Variants in BCL7A observed in about 807,000 individuals in gnomAD.
BCL7A encodes B-cell CLL/lymphoma 7 protein family member A.
In BCL7A, 11 loss-of-function variants were observed where a neutral mutation model predicts 28.4. The ratio of observed to expected loss-of-function variants is 0.39; its 90% CI spans 0.24 to 0.64. The LOEUF (loss-of-function observed/expected upper bound fraction) is 0.64. Among genes scored for constraint, BCL7A ranks in the 30% least tolerant of loss-of-function variants. The pLI, the probability that BCL7A is intolerant of heterozygous loss-of-function variation, is 0.50. For synonymous variants in BCL7A, 123 were observed against 103.3 expected, an observed-to-expected ratio of 1.19 and a Z score of -1.15; for missense variants, 222 against 274.8, an observed-to-expected ratio of 0.81 and a Z score of 1.36.
intron 3 of BCL7A, among the ~76,000 whole-genome samples, chr12:122,042,171 A>G (rs1883976471): frequency 1.3e-5 from 2 of 152,138 alleles, no homozygotes; most frequent in South Asian, 4.1e-4. Context: ...TGTAAATGCC[A>G]TTGCCCAATT....
chr12:122,023,246 A>C (rs564987125), intron 1 of BCL7A, among the ~76,000 whole-genome samples: 1 of 151,848 alleles, frequency 6.6e-6, no homozygotes, highest in African/African-American at 2.4e-5. Flanking sequence ...CAACTTTATT[A>C]TTTTTTTCCC....
intron 1 of BCL7A, among the ~76,000 whole-genome samples, chr12:122,023,949 G>T (rs1171424284): frequency 6.6e-6 from 1 of 152,176 alleles, no homozygotes; most frequent in Non-Finnish European, 1.5e-5. Flanking sequence ...TCGAGGAGGC[G>T]TGGTGGGGCC....
Position 122,029,818 on chromosome 12 carries a change from G to A in BCL7A, c.93-882G>A, listed in dbSNP as rs888758748. 3.3e-4 allele frequency among the ~76,000 whole-genome samples: 51 copies of A among 152,280 alleles called. No individual in the cohort carries two copies. Among genetic ancestry groups the A allele is most frequent in the Admixed American group, 1.4e-3 (21 of 15,290 alleles). ...GTAAGGGACAAGTCGGAGTGCAGGG[G>A]GTCAAGGACAGGAGGTGGCTGGCTG... is the stretch of plus-strand genomic sequence containing the variant. On this transcript the variant is annotated intron_variant, in intron 1 of 5. Transcript: ENST00000261822. The surrounding 1 kb of genome is among the most constrained non-coding windows in gnomAD (Gnocchi z 4.3).
chr12:122,035,396 C>G lies in BCL7A; in HGVS notation c.240C>G (p.Asn80Lys), dbSNP rs372456786. ...KCGSEVTTPE[N>K]SSSPGMMDMH... The stretch of plus-strand genomic sequence containing the variant: ...GCTCAGAGGTGACCACTCCGGAGAA[C>G]AGTTCCTCCCCAGGGATGATGGACA... Residue 80 changes from asparagine to lysine, a missense_variant, in exon 3 of 6, where the codon AAC becomes AAG. By Grantham distance (94) the Asn-to-Lys change is moderately conservative. Coordinates refer to ENST00000261822, the MANE Select transcript of BCL7A (RefSeq NM_001024808.3). The G allele has an allele frequency of 3.7e-6, 6 of 1,614,062 alleles. No homozygotes were observed. Among genetic ancestry groups the G allele is most frequent in the African/African-American group, 2.7e-5 (2 of 74,930 alleles).
At chr12:122,035,620 C>G (rs1883835226) in intron 3 of BCL7A, among the ~76,000 whole-genome samples, 193 bp downstream of exon 3, 1 of 152,196 alleles carries the variant, frequency 6.6e-6, no homozygotes, top group Admixed American at 6.5e-5. Context: ...CCCAGCGTAC[C>G]AAGCCAAGAG....
Position 122,047,003 on chromosome 12 carries a change from A to C in BCL7A, c.439+2950A>C, listed in dbSNP as rs182551523. Among the ~76,000 whole-genome samples, 478 of 151,170 alleles carry C rather than the reference A, an allele frequency of 3.2e-3. 12 individuals carry two copies. The highest frequency in any genetic ancestry group is 4.1e-3 in the East Asian group (21 of 5,076). On this transcript the variant is annotated intron_variant, in intron 4 of 5. Transcript: ENST00000261822. ...ACTGCAACCTCCGCCTCCCAGGTTC[A>C]AGTGATTCTCTTGCCTCAGACTCGT...
At chr12:122,036,066 C>T (rs1351867625) in intron 3 of BCL7A, among the ~76,000 whole-genome samples, 1 of 152,098 alleles carries the variant, frequency 6.6e-6, no homozygotes, top group Non-Finnish European at 1.5e-5. Context: ...GTCTCAAACT[C>T]CTCGCCTCAA....
chr12:122,039,011 CAA>C (rs200664087), intron 3 of BCL7A, among the ~76,000 whole-genome samples: 1 of 151,324 alleles, frequency 6.6e-6, no homozygotes, highest in Admixed American at 6.6e-5. Flanking sequence ...CTCATCTCTA[CAA>C]AAAAAACAAT....
rs1476818733 is a variant in BCL7A at position 122,044,073 on chromosome 12, G to A, written c.439+20G>A. ...CTGAAGGTATGTGGCCTCTGGAGGT[G>A]GGGCTCTGACGGCCTCCCTGTAACC... is the stretch of plus-strand genomic sequence containing the variant. On this transcript the variant is annotated intron_variant, in intron 4 of 5. Transcript: ENST00000261822. 2.5e-6 allele frequency: 4 copies of A among 1,602,386 alleles called. No individual in the cohort carries two copies. Among genetic ancestry groups the A allele is most frequent in the African/African-American group, 2.7e-5 (2 of 74,614 alleles).
intron 1 of BCL7A, among the ~76,000 whole-genome samples, chr12:122,025,462 A>G (rs1306109425): frequency 6.6e-6 from 1 of 150,912 alleles, no homozygotes; most frequent in Admixed American, 6.6e-5. Flanking sequence ...GTCTCTACTA[A>G]AAAAATACAA....
At chr12:122,055,689 G>T (rs532549793) in intron 5 of BCL7A, among the ~76,000 whole-genome samples, 2 of 152,234 alleles carry the variant, frequency 1.3e-5, no homozygotes, top group Non-Finnish European at 2.9e-5. Flanking sequence ...CATGATCCCG[G>T]CTCACTCCAA....
At chr12:122,023,692 T>C (rs1883533746) in intron 1 of BCL7A, among the ~76,000 whole-genome samples, 1 of 152,258 alleles carries the variant, frequency 6.6e-6, no homozygotes, top group African/African-American at 2.4e-5. Flanking sequence ...GGAGCTCCCC[T>C]GGTACACAGG....
intron 3 of BCL7A, among the ~76,000 whole-genome samples, chr12:122,039,334 T>A (rs1883921483): frequency 6.8e-6 from 1 of 147,004 alleles, no homozygotes; most frequent in African/African-American, 2.5e-5. Flanking sequence ...ATAATAATAA[T>A]AAATTTAAAT....
chr12:122,058,849 G>C (rs1452809686), intron 5 of BCL7A, among the ~76,000 whole-genome samples: 4 of 152,200 alleles, frequency 2.6e-5, no homozygotes, highest in Admixed American at 2.6e-4. Context: ...GCATGTGATA[G>C]GGTCAGGCAG....
intron 2 of BCL7A, among the ~76,000 whole-genome samples, chr12:122,031,354 GC>G (rs386377999): frequency 6.6e-6 from 1 of 151,266 alleles, no homozygotes; most frequent in African/African-American, 2.4e-5. Context: ...TGGGCCGAGC[GC>G]CCCCCCCAGG....
In BCL7A at chr12:122,049,071, A is replaced by ACAC. The variant is rs1565941571; in HGVS notation, c.439+5018_439+5019insCAC. Among the ~76,000 whole-genome samples the ACAC allele has an allele frequency of 5.6e-5, 8 of 143,102 alleles. No individual in the cohort carries two copies. In the East Asian group the frequency reaches 1.6e-3, roughly 28 times the overall value. The allele number at this position is 143,102 out of a possible 152,430, so 93.9% of individuals were successfully genotyped here. On this transcript the variant is annotated intron_variant, in intron 4 of 5. Coordinates refer to ENST00000261822, the MANE Select transcript of BCL7A (RefSeq NM_001024808.3). ...ATATATATACATATACACACACACA[A>ACAC]AAAAAAATACATAAAACTATAGGCA...
At chr12:122,056,287 G>A (rs1951877933) in intron 5 of BCL7A, among the ~76,000 whole-genome samples, 1 of 152,110 alleles carries the variant, frequency 6.6e-6, no homozygotes, top group South Asian at 2.1e-4. Flanking sequence ...TACCCTGAGA[G>A]TATCCAATGC....
In BCL7A at chr12:122,044,027, A is replaced by T; in HGVS notation, c.413A>T (p.Asp138Val). The T allele has an allele frequency of 6.2e-7, 1 of 1,613,470 alleles. No homozygotes were observed. Among genetic ancestry groups the T allele is most frequent in the Non-Finnish European group, 8.5e-7 (1 of 1,179,790 alleles). The change falls in exon 4 of 6, where the codon GAT (aspartate) becomes GTT (valine). Residue 138 changes from aspartate to valine, a missense_variant. Asp to Val is a radical substitution (Grantham distance 152). Coordinates refer to ENST00000261822, the MANE Select transcript of BCL7A (RefSeq NM_001024808.3). Reference sequence around the variant, plus strand: ...GCCAAGGTGGATGAGGCCCAGGCTGATGGGAAGGAGCACCCAGGAGCTGAA... The same window carrying T: ...GCCAAGGTGGATGAGGCCCAGGCTGTTGGGAAGGAGCACCCAGGAGCTGAA... ...TEAKVDEAQA[D>V]GKEHPGAEDA...
At chr12:122,038,386 C>T (rs1328234662) in intron 3 of BCL7A, among the ~76,000 whole-genome samples, 2 of 132,790 alleles carry the variant, frequency 1.5e-5, no homozygotes, top group East Asian at 4.6e-4. Context: ...GAGCTAAGAT[C>T]AGGCCACTGC....
Sources: gnomAD v4.1 joint callset for allele counts (sites outside exome capture counted in the v4.1 genomes callset) on GRCh38, gnomAD v4.1.1 for gene constraint, Gnocchi (gnomAD v3.1) non-coding constraint, MANE v1.5 for transcripts, NCBI Gene and HGNC (gene_info 2026-07-23, HGNC 2026-07-21) for gene names.